Variants in TMEM132C observed in about 807,000 individuals in gnomAD.
TMEM132C encodes the protein transmembrane protein 132C, also known as protein phosphatase 1, regulatory subunit 152.
A neutral mutation model predicts 61.4 loss-of-function variants in TMEM132C; 29 were observed. The ratio of observed to expected loss-of-function variants is 0.47; its 90% CI spans 0.35 to 0.64. The LOEUF (loss-of-function observed/expected upper bound fraction) is 0.64. TMEM132C is among the 30% of genes least tolerant of loss of function. The probability of loss-of-function intolerance (pLI) is 0.00; values close to 1 mark genes in which losing one functional copy is unlikely to be tolerated. For missense variants in TMEM132C, 1,408 were observed against 1,476.9 expected, an observed-to-expected ratio of 0.95 and a Z score of 0.76; for synonymous variants, 656 against 633.1, an observed-to-expected ratio of 1.04 and a Z score of -0.54.
intron 2 of TMEM132C, among the ~76,000 whole-genome samples, chr12:128,539,930 A>C (rs1390359771): frequency 6.6e-6 from 1 of 152,058 alleles, no homozygotes; most frequent in Non-Finnish European, 1.5e-5. Context: ...TCATTTGGAG[A>C]CATTTTCTTA....
chr12:128,340,077 G>A (rs965073501), intron 1 of TMEM132C, among the ~76,000 whole-genome samples: 23 of 152,308 alleles, frequency 1.5e-4, no homozygotes, highest in Admixed American at 5.9e-4. Context: ...TAAGGCACTA[G>A]GGGCGTCTTA....
intron 1 of TMEM132C, among the ~76,000 whole-genome samples, chr12:128,366,654 CT>C (rs935947388): frequency 6.6e-6 from 1 of 152,170 alleles, no homozygotes; most frequent in Non-Finnish European, 1.5e-5. Flanking sequence ...TGGGAGAACC[CT>C]TTTGGTGCCC....
At chr12:128,417,794 TC>T (rs754150868) in intron 2 of TMEM132C, among the ~76,000 whole-genome samples, 2 of 152,238 alleles carry the variant, frequency 1.3e-5, no homozygotes, top group Non-Finnish European at 2.9e-5. Flanking sequence ...TTGAATTGTA[TC>T]TTCGCAGTAA....
chr12:128,290,378 C>T (rs573421969), intron 1 of TMEM132C, among the ~76,000 whole-genome samples: 98 of 152,182 alleles, frequency 6.4e-4, no homozygotes, highest in Non-Finnish European at 1.1e-3. Context: ...CACTTTTAAA[C>T]TATCAGATCT....
intron 1 of TMEM132C, among the ~76,000 whole-genome samples, chr12:128,329,219 C>A (rs1872607686): frequency 6.6e-6 from 1 of 152,156 alleles, no homozygotes; most frequent in South Asian, 2.1e-4. Flanking sequence ...TACGGTTGAA[C>A]CTTCGGATTA....
At chr12:128,437,441 CTT>C (rs1869639954) in intron 2 of TMEM132C, among the ~76,000 whole-genome samples, 1 of 152,192 alleles carries the variant, frequency 6.6e-6, no homozygotes. Context: ...TTCCTCTGTA[CTT>C]ACCCAGGATG....
chr12:128,663,875 CACAT>C (rs1391738210), intron 4 of TMEM132C, among the ~76,000 whole-genome samples: 3 of 144,948 alleles, frequency 2.1e-5, no homozygotes, highest in South Asian at 2.2e-4. Context: ...CAGGCACACA[CACAT>C]ACAGGCACAA....
chr12:128,374,621 C>T (rs973273830), intron 1 of TMEM132C, among the ~76,000 whole-genome samples: 1 of 152,032 alleles, frequency 6.6e-6, no homozygotes, highest in African/African-American at 2.4e-5. Context: ...TCTGGGCACC[C>T]TGTGGAGTAA....
intron 4 of TMEM132C, among the ~76,000 whole-genome samples, chr12:128,617,342 C>G (rs777740635): frequency 6.6e-6 from 1 of 152,202 alleles, no homozygotes; most frequent in Non-Finnish European, 1.5e-5. Context: ...GCATCATGTC[C>G]AGCAAGAAAT....
chr12:128,497,844 T>A (rs1434496344), intron 2 of TMEM132C, among the ~76,000 whole-genome samples: 1 of 152,092 alleles, frequency 6.6e-6, no homozygotes, highest in African/African-American at 2.4e-5. Context: ...CTGCCCCCAA[T>A]GTCTGACAAG....
intron 2 of TMEM132C, among the ~76,000 whole-genome samples, chr12:128,481,220 ACAC>A (rs1314430221): frequency 6.6e-6 from 1 of 152,244 alleles, no homozygotes; most frequent in Non-Finnish European, 1.5e-5. Flanking sequence ...TTGTAAGGGT[ACAC>A]GGGTGCTAGC....
rs1479384579 is a variant in TMEM132C, at chr12:128,697,554, C to A, written c.2121+139C>A. 1.0e-5 allele frequency: 9 copies of A among 899,036 alleles called. No individual in the cohort carries two copies. The African/African-American group carries it at 1.3e-4, about 13-fold the overall frequency. The allele number at this position is 899,036 out of a possible 1,614,324, so 55.7% of individuals were successfully genotyped here. A position where few individuals can be genotyped will look rare whatever the true frequency, so the allele number is the denominator to read the frequency against. Reference sequence around the variant, plus strand: ...ACAATGGAAGCCATGTCATTGCAGACAAAGTGCTCATGTTACCCACATAGC... The same window carrying A: ...ACAATGGAAGCCATGTCATTGCAGAAAAAGTGCTCATGTTACCCACATAGC... On this transcript the variant is annotated intron_variant, in intron 8 of 8. Transcript: ENST00000435159.
At chr12:128,417,394 C>T (rs1868817676) in intron 2 of TMEM132C, among the ~76,000 whole-genome samples, 1 of 152,094 alleles carries the variant, frequency 6.6e-6, no homozygotes, top group Non-Finnish European at 1.5e-5. Flanking sequence ...GGTCTAAGGT[C>T]CACAACCTTA....
At chr12:128,286,558 AGCTTTC>A (rs1252124150) in intron 1 of TMEM132C, among the ~76,000 whole-genome samples, 1 of 152,248 alleles carries the variant, frequency 6.6e-6, no homozygotes, top group African/African-American at 2.4e-5. Context: ...ATGAAATGGC[AGCTTTC>A]AAGTGTGGAC....
intron 1 of TMEM132C, among the ~76,000 whole-genome samples, chr12:128,365,154 G>A (rs183716351): frequency 4.9e-4 from 74 of 152,312 alleles, no homozygotes; most frequent in African/African-American, 1.7e-3. Context: ...GAATCTGTCT[G>A]GAGCCACACT....
intron 4 of TMEM132C, among the ~76,000 whole-genome samples, chr12:128,648,761 T>C (rs2135607538): frequency 6.6e-6 from 1 of 151,406 alleles, no homozygotes; most frequent in African/African-American, 2.4e-5. Context: ...GCGTTGGATG[T>C]GAGTGTGTTT....
chr12:128,462,762 G>A (rs944846391), intron 2 of TMEM132C, among the ~76,000 whole-genome samples: 1 of 152,200 alleles, frequency 6.6e-6, no homozygotes, highest in Admixed American at 6.5e-5. Context: ...AGGAATGCTT[G>A]TAACCTTGAT....
chr12:128,298,098 A>G (rs573949137), intron 1 of TMEM132C, among the ~76,000 whole-genome samples: 1 of 152,100 alleles, frequency 6.6e-6, no homozygotes, highest in Non-Finnish European at 1.5e-5. Flanking sequence ...TTTTTATCCC[A>G]TTTTATCTCC....
intron 2 of TMEM132C, among the ~76,000 whole-genome samples, chr12:128,543,267 C>T (rs138670163): frequency 6.2e-4 from 94 of 152,270 alleles, no homozygotes; most frequent in African/African-American, 2.1e-3. Flanking sequence ...CCTGGCGCTG[C>T]TCTTGTTCTA....
Sources: gnomAD v4.1 joint callset for allele counts (sites outside exome capture counted in the v4.1 genomes callset) on GRCh38, gnomAD v4.1.1 for gene constraint, MANE v1.5 for transcripts, NCBI Gene and HGNC (gene_info 2026-07-23, HGNC 2026-07-21) for gene names.